GCNA: variants seen among roughly 807,000 people sequenced by gnomAD.
GCNA encodes germ cell nuclear acidic peptidase, also known as germ cell nuclear acidic protein.
GCNA carries 3 observed loss-of-function variants against 38.8 expected under a neutral mutation model. The observed-to-expected ratio is 0.08, with a 90% CI of 0.04 to 0.20. The LOEUF (loss-of-function observed/expected upper bound fraction) is 0.20, where lower values mean the gene tolerates loss of function less well. GCNA is among the 10% of genes least tolerant of loss of function. GCNA has a pLI of 1.00. For synonymous variants in GCNA, 195 were observed against 240.2 expected, an observed-to-expected ratio of 0.81 and a Z score of 1.74; for missense variants, 446 against 578.6, an observed-to-expected ratio of 0.77 and a Z score of 2.35.
chrX:71,583,423 C>T (rs893976595), intron 2 of GCNA, among the ~76,000 whole-genome samples: 2 of 110,711 alleles, frequency 1.8e-5, no homozygotes, highest in African/African-American at 6.6e-5. Context: ...TTGAGACCAG[C>T]CTGGGCAACA....
Position 71,604,489 on chromosome X carries a change from A to G in GCNA, c.1212A>G (p.Ala404=), listed in dbSNP as rs2147729208. The stretch of plus-strand genomic sequence containing the variant: ...AGCTGCCAACTGAGGAAGAGCCTGC[A>G]CCTGTGGTGGAACAATCAGGGAAAA... ...ERKLPTEEEP[A]PVVEQSGKRK... is the part of the protein sequence containing the mutation. The change falls in exon 8 of 13, where the codon GCA becomes GCG. Residue 404 remains alanine, a synonymous_variant. Transcript: ENST00000373696. 2 of 1,202,835 alleles carry G rather than the reference A, an allele frequency of 1.7e-6. No homozygotes were observed. The highest frequency in any genetic ancestry group is 3.6e-5 in the South Asian group (2 of 55,660).
At chrX:71,598,682 G>A (rs1475941480) in intron 7 of GCNA, among the ~76,000 whole-genome samples, 1 of 110,540 alleles carries the variant, frequency 9.0e-6, no homozygotes, top group Non-Finnish European at 1.9e-5. Context: ...TACCTGCTCG[G>A]TGGGGGATGA....
chrX:71,597,280 G>A (rs1377672869), intron 6 of GCNA, among the ~76,000 whole-genome samples: 1 of 111,899 alleles, frequency 8.9e-6, no homozygotes, highest in Non-Finnish European at 1.9e-5. Flanking sequence ...AGTGTATTAA[G>A]TATTTTTCTT....
At chrX:71,579,955 G>A (rs1342542054) in intron 1 of GCNA, among the ~76,000 whole-genome samples, 2 of 107,115 alleles carry the variant, frequency 1.9e-5, no homozygotes, top group Admixed American at 1.0e-4. Context: ...GGGGGTGGCC[G>A]GATTCATATA....
intron 2 of GCNA, among the ~76,000 whole-genome samples, chrX:71,590,212 C>A (rs1249418902): frequency 8.9e-6 from 1 of 111,818 alleles, no homozygotes; most frequent in Non-Finnish European, 1.9e-5. Flanking sequence ...TTAGTGCTTT[C>A]CTTGGACTTC....
At chrX:71,589,600 G>T (rs2040611682) in intron 2 of GCNA, among the ~76,000 whole-genome samples, 1 of 106,536 alleles carries the variant, frequency 9.4e-6, no homozygotes, top group African/African-American at 3.4e-5. Flanking sequence ...GAAGAAATTG[G>T]ACTATAGGCA....
intron 2 of GCNA, among the ~76,000 whole-genome samples, chrX:71,587,650 A>G (rs1042926223): frequency 8.9e-6 from 1 of 111,799 alleles, no homozygotes; most frequent in Non-Finnish European, 1.9e-5. Context: ...TTAGCATTCT[A>G]TTGATATTTT....
chrX:71,587,828 G>A (rs1216751369), intron 2 of GCNA, among the ~76,000 whole-genome samples: 2 of 110,295 alleles, frequency 1.8e-5, no homozygotes, highest in East Asian at 5.6e-4. Flanking sequence ...GCCCAGGCTG[G>A]AGTGCAGTGG....
At chrX:71,589,898 G>A (rs559630733) in intron 2 of GCNA, among the ~76,000 whole-genome samples, 2 of 109,728 alleles carry the variant, frequency 1.8e-5, no homozygotes, top group South Asian at 4.0e-4. Context: ...CTGCAGCCCC[G>A]ACCTCTCGGG....
intron 2 of GCNA, among the ~76,000 whole-genome samples, chrX:71,588,581 C>T (rs942153436): frequency 8.9e-6 from 1 of 111,936 alleles, no homozygotes; most frequent in African/African-American, 3.2e-5. Context: ...AATCCCAGTA[C>T]TTTGGGAGGC....
At chrX:71,589,759 C>T (rs1392673160) in intron 2 of GCNA, among the ~76,000 whole-genome samples, 1 of 108,988 alleles carries the variant, frequency 9.2e-6, no homozygotes, top group Non-Finnish European at 1.9e-5. Context: ...GCCACTGCAC[C>T]CAGCCTCCTT....
intron 11 of GCNA, 91 bp downstream of exon 11, chrX:71,610,910 C>A: frequency 8.9e-7 from 1 of 1,128,301 alleles, no homozygotes; most frequent in Non-Finnish European, 1.2e-6. Flanking sequence ...GCCTGTGTCA[C>A]AGCTCGAACT....
rs1224534142 is a variant in GCNA at position 71,587,694 on chromosome X, C to T, written c.60-4428C>T. Among the ~76,000 whole-genome samples, 4 of 111,443 alleles carry T rather than the reference C, an allele frequency of 3.6e-5. No individual in the cohort carries two copies. The Admixed American group carries it at 3.8e-4, about 11-fold the overall frequency. On this transcript the variant is annotated intron_variant, in intron 2 of 12. Coordinates refer to ENST00000373696, the MANE Select transcript of GCNA (RefSeq NM_052957.5). ...GATTTCAAGGAAAAGAAGGCTGTCA[C>T]ATTTAACTGGTGTTCCTGAAAGTGT...
rs375041042 is a variant in GCNA, at chrX:71,603,553, T to C, written c.311-35T>C. On this transcript the variant is annotated intron_variant, in intron 7 of 12. Transcript: ENST00000373696. ...CATATAAAGGAGGTGGTAGAGGGAGTATATTTACATATGATTGTGTCTCTT... is the reference window on the plus strand; with the variant it reads ...CATATAAAGGAGGTGGTAGAGGGAGCATATTTACATATGATTGTGTCTCTT... 5.9e-6 allele frequency: 7 copies of C among 1,183,835 alleles called. No homozygotes were observed. In the African/African-American group the frequency reaches 1.1e-4, roughly 18 times the overall value.
At chrX:71,608,835 G>A in intron 9 of GCNA, 138 bp from the exon 10 acceptor site, 1 of 737,168 alleles carries the variant, frequency 1.4e-6, no homozygotes, top group Non-Finnish European at 1.9e-6. Context: ...ACAAATGAAG[G>A]CTTGGGAAAT....
chrX:71,589,052 C>T (rs2040604990), intron 2 of GCNA, among the ~76,000 whole-genome samples: 1 of 110,073 alleles, frequency 9.1e-6, no homozygotes, highest in African/African-American at 3.3e-5. Flanking sequence ...CAAAGAGTCT[C>T]GCTATGGTGC....
intron 2 of GCNA, among the ~76,000 whole-genome samples, chrX:71,582,031 C>T (rs2040549886): frequency 9.2e-6 from 1 of 109,062 alleles, no homozygotes; most frequent in Non-Finnish European, 1.9e-5. Flanking sequence ...TTTGGCCGGG[C>T]ACACTTTGGG....
chrX:71,585,107 T>C (rs1488804270), intron 2 of GCNA, among the ~76,000 whole-genome samples: 1 of 109,044 alleles, frequency 9.2e-6, no homozygotes, highest in Admixed American at 9.9e-5. Flanking sequence ...GTCCAGGAGT[T>C]TGAGACCAGC....
At chrX:71,601,788 C>T (rs1287591960) in intron 7 of GCNA, among the ~76,000 whole-genome samples, 5 of 111,671 alleles carry the variant, frequency 4.5e-5, no homozygotes, top group South Asian at 3.8e-4. Flanking sequence ...TCAAGTGATC[C>T]GTGCGCCCTG....
Sources: gnomAD v4.1 joint callset for allele counts (sites outside exome capture counted in the v4.1 genomes callset) on GRCh38, gnomAD v4.1.1 for gene constraint, MANE v1.5 for transcripts, NCBI Gene and HGNC (gene_info 2026-07-23, HGNC 2026-07-21) for gene names.